ASIC2: variants seen among roughly 807,000 people sequenced by gnomAD.
ASIC2 encodes the protein acid sensing ion channel subunit 2, also known as acid-sensing ion channel 2.
Under a neutral mutation model 57.3 loss-of-function variants are expected in ASIC2, and 25 were observed. The observed-to-expected ratio is 0.44, with a 90% confidence interval of 0.32 to 0.61. The LOEUF is 0.61. Among genes scored for constraint, ASIC2 ranks in the 20% least tolerant of loss-of-function variants. The probability of loss-of-function intolerance (pLI) is 0.06; values close to 1 mark genes in which losing one functional copy is unlikely to be tolerated. For missense variants in ASIC2, 641 were observed against 738.1 expected, an observed-to-expected ratio of 0.87 and a Z score of 1.52; for synonymous variants, 319 against 307.5, an observed-to-expected ratio of 1.04 and a Z score of -0.39.
chr17:34,051,850 C>CCCACAT (rs1908569533), intron 1 of ASIC2: 1 of 92,448 alleles, frequency 1.1e-5, no homozygotes, highest in African/African-American at 5.1e-5. Flanking sequence ...CACACACATA[C>CCCACAT]ACACACACAG....
chr17:33,035,516 T>C (rs1239250044), intron 3 of ASIC2, among the ~76,000 whole-genome samples: 2 of 152,252 alleles, frequency 1.3e-5, no homozygotes, highest in Non-Finnish European at 2.9e-5. Context: ...TTTGATTTCA[T>C]GGAGACATTA....
intron 2 of ASIC2, among the ~76,000 whole-genome samples, chr17:33,097,728 C>T (rs1247631827): frequency 6.6e-6 from 1 of 152,228 alleles, no homozygotes; most frequent in Non-Finnish European, 1.5e-5. Context: ...GTAGGCTCAG[C>T]AGCCTTTGTT....
chr17:33,994,100 T>C (rs1906081736), intron 1 of ASIC2, among the ~76,000 whole-genome samples: 1 of 152,144 alleles, frequency 6.6e-6, no homozygotes, highest in Non-Finnish European at 1.5e-5. Context: ...GCTTTGCAAA[T>C]ATTTCATCAA....
At chr17:33,905,325 C>T (rs1915325179) in intron 1 of ASIC2, among the ~76,000 whole-genome samples, 2 of 152,132 alleles carry the variant, frequency 1.3e-5, no homozygotes, top group Non-Finnish European at 2.9e-5. Context: ...TTGAGACACA[C>T]AGACCGGCTC....
intron 1 of ASIC2, among the ~76,000 whole-genome samples, chr17:33,570,495 G>A (rs1236663841): frequency 3.3e-5 from 5 of 152,230 alleles, no homozygotes; most frequent in Admixed American, 3.3e-4. Context: ...TCATTCTCCT[G>A]AGCCCCAGCA....
intron 3 of ASIC2, among the ~76,000 whole-genome samples, chr17:33,069,366 T>G (rs749958356): frequency 6.6e-6 from 1 of 152,214 alleles, no homozygotes; most frequent in Non-Finnish European, 1.5e-5. Context: ...TTGAGAGTGT[T>G]GTTCAAATCT....
In ASIC2 at chr17:34,056,436, T is replaced by A. The variant is rs1404184070; in HGVS notation, c.555+99542A>T. Among the ~76,000 whole-genome samples, 7 of 152,220 alleles carry A rather than the reference T, an allele frequency of 4.6e-5. No homozygotes were observed. In the South Asian group the frequency reaches 8.3e-4, roughly 18 times the overall value. On this transcript the variant is annotated intron_variant, in intron 1 of 9. Coordinates refer to the ASIC2 transcript ENST00000359872. ...ATTCTGGTAATTGGTAATAGCTACC[T>A]GTGACACTGTGCAAAGAAAGATTCT...
At chr17:33,154,470 G>GATGGGTATT (rs1704367218) in intron 1 of ASIC2, among the ~76,000 whole-genome samples, 1 of 152,230 alleles carries the variant, frequency 6.6e-6, no homozygotes. Context: ...ATCTTGGGGA[G>GATGGGTATT]ATGGGTATTA....
intron 1 of ASIC2, chr17:33,794,180 A>G (rs1197456249): frequency 2.0e-5 from 3 of 152,162 alleles, no homozygotes; most frequent in Non-Finnish European, 4.4e-5. Flanking sequence ...GAGTGACTTT[A>G]TAGTCTCCTC....
At chr17:33,969,239 T>G (rs1905156162) in intron 1 of ASIC2, among the ~76,000 whole-genome samples, 5 of 152,234 alleles carry the variant, frequency 3.3e-5, no homozygotes, top group South Asian at 4.1e-4. Flanking sequence ...TGTATGTTTA[T>G]CTCAGAGCCT....
At chr17:33,477,266 C>T (rs1056139324) in intron 1 of ASIC2, among the ~76,000 whole-genome samples, 1 of 152,114 alleles carries the variant, frequency 6.6e-6, no homozygotes, top group African/African-American at 2.4e-5. Flanking sequence ...TACACTCCTG[C>T]CAGTAACATC....
intron 1 of ASIC2, among the ~76,000 whole-genome samples, chr17:33,532,240 A>G (rs1334198199): frequency 6.6e-6 from 1 of 152,128 alleles, no homozygotes; most frequent in Non-Finnish European, 1.5e-5. Context: ...TCATTCATCA[A>G]ACCCATTTTC....
intron 1 of ASIC2, among the ~76,000 whole-genome samples, chr17:33,607,228 G>C (rs889618559): frequency 6.6e-6 from 1 of 152,174 alleles, no homozygotes; most frequent in Non-Finnish European, 1.5e-5. Flanking sequence ...CCCAGGGTGT[G>C]CAGGATAGCT....
intron 1 of ASIC2, among the ~76,000 whole-genome samples, chr17:33,832,247 G>C (rs1913136630): frequency 6.6e-6 from 1 of 152,218 alleles, no homozygotes; most frequent in Admixed American, 6.5e-5. Context: ...TCAAAATATA[G>C]CTGGTTTTGT....
chr17:33,926,082 G>A (rs541709309), intron 1 of ASIC2, among the ~76,000 whole-genome samples: 9 of 152,220 alleles, frequency 5.9e-5, no homozygotes, highest in Admixed American at 5.9e-4. Context: ...GACTATCATC[G>A]AAGTCAGGGG....
chr17:33,447,912 C>CA (rs34092157), intron 1 of ASIC2, among the ~76,000 whole-genome samples: 5,224 of 72,556 alleles, frequency 0.072, 245 homozygotes, highest in African/African-American at 0.15. Flanking sequence ...GACTCAGTCT[C>CA]AAAAAAAAAA....
At chr17:33,819,026 G>A (rs1198183814) in intron 1 of ASIC2, among the ~76,000 whole-genome samples, 1 of 152,198 alleles carries the variant, frequency 6.6e-6, no homozygotes, top group Non-Finnish European at 1.5e-5. Flanking sequence ...TGCTTGTGGG[G>A]TGGGGAGTCT....
At chr17:34,150,356 A>G (rs1223413126) in intron 1 of ASIC2, among the ~76,000 whole-genome samples, 1 of 152,202 alleles carries the variant, frequency 6.6e-6, no homozygotes. Context: ...CAATATATTG[A>G]ACAACTGAAA....
intron 3 of ASIC2, among the ~76,000 whole-genome samples, chr17:33,064,342 T>C (rs9899926): frequency 0.016 from 2,393 of 152,314 alleles, 48 homozygotes; most frequent in African/African-American, 0.053. Context: ...GGTTTTGGTG[T>C]GGCTGTCCTT....
Sources: gnomAD v4.1 joint callset for allele counts (sites outside exome capture counted in the v4.1 genomes callset) on GRCh38, gnomAD v4.1.1 for gene constraint, MANE v1.5 for transcripts, NCBI Gene and HGNC (gene_info 2026-07-23, HGNC 2026-07-21) for gene names.